The following MGST2 variants were observed in gnomAD, a reference collection of about 807,000 sequenced individuals.
MGST2 encodes the protein microsomal glutathione S-transferase 2.
A neutral mutation model predicts 16.6 loss-of-function variants in MGST2; 9 were observed. The ratio of observed to expected loss-of-function variants is 0.54; its 90% confidence interval spans 0.33 to 0.95. The LOEUF (loss-of-function observed/expected upper bound fraction) is 0.95, where lower values mean the gene tolerates loss of function less well. MGST2 is among the 40% of genes least tolerant of loss of function. The pLI is 0.03. For synonymous variants in MGST2, 79 were observed against 68.0 expected, an observed-to-expected ratio of 1.16 and a Z score of -0.79; for missense variants, 159 against 175.1, an observed-to-expected ratio of 0.91 and a Z score of 0.52.
intron 5 of MGST2, among the ~76,000 whole-genome samples, chr4:139,733,849 G>A (rs774886933): frequency 3.3e-5 from 5 of 152,106 alleles, no homozygotes; most frequent in Admixed American, 6.5e-5. Context: ...ACCATGCCCT[G>A]CTAATTTTTA....
At chr4:139,698,690 A>G in intron 3 of MGST2, 3 of 655,252 alleles carry the variant, frequency 4.6e-6, no homozygotes, top group South Asian at 1.9e-5. Context: ...GCATTTCAAT[A>G]TGAGATAAAA....
At chr4:139,720,322 ACCTGCAGTG>A (rs1337070052) in intron 5 of MGST2, 4 of 1,522,578 alleles carry the variant, frequency 2.6e-6, no homozygotes, top group Admixed American at 4.3e-5. Context: ...CCTGGGGAGA[ACCTGCAGTG>A]AAAAAGAGGA....
At chr4:139,702,867 T>TTTTTTTTTTTTTTTTTTC (rs767366469) in intron 3 of MGST2, among the ~76,000 whole-genome samples, 15 of 132,452 alleles carry the variant, frequency 1.1e-4, no homozygotes, top group South Asian at 2.5e-4. Context: ...TTTTTTTTTT[T>TTTTTTTTTTTTTTTTTTC]TTTACAATTT....
At chr4:139,702,843 G>GTTTTTTTTTTTTTTTT (rs1727325108) in intron 3 of MGST2, among the ~76,000 whole-genome samples, 5 of 27,602 alleles carry the variant, frequency 1.8e-4, no homozygotes, top group Non-Finnish European at 6.4e-4. Context: ...TTGTGTTACT[G>GTTTTTTTTTTTTTTTT]GTTTTTTTTT....
chr4:139,675,376 AC>A (rs1730906151), intron 1 of MGST2, among the ~76,000 whole-genome samples: 2 of 152,196 alleles, frequency 1.3e-5, no homozygotes, highest in Non-Finnish European at 2.9e-5. Flanking sequence ...AGGCTCAAAA[AC>A]TGACAGAGGA....
At chr4:139,729,396 G>T (rs1366186206) in intron 5 of MGST2, among the ~76,000 whole-genome samples, 1 of 152,128 alleles carries the variant, frequency 6.6e-6, no homozygotes, top group Non-Finnish European at 1.5e-5. Flanking sequence ...GAGATGGGAG[G>T]ATCGCTTGAG....
chr4:139,702,227 C>T (rs754118240), intron 3 of MGST2, among the ~76,000 whole-genome samples: 4 of 152,096 alleles, frequency 2.6e-5, no homozygotes, highest in Non-Finnish European at 5.9e-5. Flanking sequence ...TAATAAAATG[C>T]ATAAATCTTC....
the MGST2 span, among the ~76,000 whole-genome samples, chr4:139,746,483 G>T: frequency 5.3e-5 from 8 of 152,158 alleles, no homozygotes; most frequent in Non-Finnish European, 8.8e-5. Context: ...AGGAGAAGCA[G>T]ATACCCTGGT....
intron 5 of MGST2, among the ~76,000 whole-genome samples, chr4:139,720,560 A>C (rs1728194306): frequency 6.6e-6 from 1 of 152,260 alleles, no homozygotes; most frequent in Non-Finnish European, 1.5e-5. Context: ...AAATCCCACT[A>C]TCCAGAGATG....
At chr4:139,693,186 G>A (rs1726711433) in intron 2 of MGST2, among the ~76,000 whole-genome samples, 1 of 152,128 alleles carries the variant, frequency 6.6e-6, no homozygotes. Flanking sequence ...GGGAGGCCGA[G>A]GTGGGCGGAT....
intron 5 of MGST2, among the ~76,000 whole-genome samples, chr4:139,731,751 G>A (rs1291187313): frequency 6.6e-6 from 1 of 152,198 alleles, no homozygotes; most frequent in Non-Finnish European, 1.5e-5. Flanking sequence ...TAGGGAAGAG[G>A]AGGTCAAGTG....
chr4:139,692,748 C>T (rs114276115), intron 2 of MGST2, among the ~76,000 whole-genome samples: 1 of 152,314 alleles, frequency 6.6e-6, no homozygotes, highest in African/African-American at 2.4e-5. Flanking sequence ...TTTCTCCTTG[C>T]TCAAAGGCCT....
At chr4:139,729,156 C>CAAAAAAAAAA (rs4057275) in intron 5 of MGST2, among the ~76,000 whole-genome samples, 3 of 81,704 alleles carry the variant, frequency 3.7e-5, no homozygotes, top group Admixed American at 1.4e-4. Context: ...GGAACAAAAG[C>CAAAAAAAAAA]AAAAAAAAAA....
chr4:139,678,413 A>G, intron 1 of MGST2, 130 bp from the exon 2 acceptor site: 3 of 743,696 alleles, frequency 4.0e-6, no homozygotes, highest in South Asian at 3.0e-5. Flanking sequence ...TTTAATTGCT[A>G]TCATCTGTCT....
intron 5 of MGST2, among the ~76,000 whole-genome samples, chr4:139,732,482 A>ATCCC (rs1317176522): frequency 6.6e-6 from 1 of 152,208 alleles, no homozygotes; most frequent in Non-Finnish European, 1.5e-5. Flanking sequence ...TTACCCTAGA[A>ATCCC]ACAATCACCC....
chr4:139,753,157 T>C, the MGST2 span, among the ~76,000 whole-genome samples: 14 of 152,294 alleles, frequency 9.2e-5, no homozygotes, highest in South Asian at 2.9e-3. Flanking sequence ...TTCATTGGGG[T>C]AAAATATACA....
intron 1 of MGST2, among the ~76,000 whole-genome samples, chr4:139,672,970 C>T (rs1730776807): frequency 6.6e-6 from 1 of 152,140 alleles, no homozygotes; most frequent in Non-Finnish European, 1.5e-5. Context: ...CTTGCTACAC[C>T]AGGATCAATA....
intron 1 of MGST2, among the ~76,000 whole-genome samples, chr4:139,675,877 T>C (rs1275195198): frequency 6.6e-6 from 1 of 152,226 alleles, no homozygotes; most frequent in Non-Finnish European, 1.5e-5. Flanking sequence ...AGTTTTGTCA[T>C]GCATGCATTC....
downstream of MGST2, among the ~76,000 whole-genome samples, chr4:139,744,943 C>T (rs745885994): frequency 2.0e-5 from 3 of 152,186 alleles, no homozygotes; most frequent in Non-Finnish European, 2.9e-5. Flanking sequence ...AGTGTTTGAC[C>T]TGGGGCAAGT....
Sources: gnomAD v4.1 joint callset for allele counts (sites outside exome capture counted in the v4.1 genomes callset) on GRCh38, gnomAD v4.1.1 for gene constraint, MANE v1.5 for transcripts, NCBI Gene and HGNC (gene_info 2026-07-23, HGNC 2026-07-21) for gene names.